The following ADAM10 variants were observed in gnomAD, a reference collection of about 807,000 sequenced individuals.
ADAM10 encodes disintegrin and metalloproteinase domain-containing protein 10.
In ADAM10, 17 loss-of-function variants were observed where a neutral mutation model predicts 90.1. The ratio of observed to expected loss-of-function variants is 0.19; its 90% confidence interval spans 0.13 to 0.28. ADAM10 has a LOEUF of 0.28. ADAM10 is among the 10% of genes least tolerant of loss of function. The pLI is 1.00. For missense variants in ADAM10, 610 were observed against 914.3 expected, an observed-to-expected ratio of 0.67 and a Z score of 4.29; for synonymous variants, 310 against 298.6, an observed-to-expected ratio of 1.04 and a Z score of -0.40.
At chr15:58,698,377 G>T in intron 2 of ADAM10, 1 of 333,838 alleles carries the variant, frequency 3.0e-6, no homozygotes, top group Non-Finnish European at 5.7e-6. Context: ...TTTGAGACCA[G>T]CCTGGGCAAC....
At chr15:58,639,162 G>A (rs1350317397) in intron 8 of ADAM10, among the ~76,000 whole-genome samples, 1 of 152,192 alleles carries the variant, frequency 6.6e-6, no homozygotes, top group Non-Finnish European at 1.5e-5. Flanking sequence ...TATTAATGTG[G>A]TGCTTCTCAA....
rs1414239645 is a variant in ADAM10 at position 58,594,932 on chromosome 15, T to G, written c.*2615A>C. 1 of 152,200 alleles carries G rather than the reference T, an allele frequency of 6.6e-6. No homozygotes were observed. Among genetic ancestry groups the G allele is most frequent in the African/African-American group, 2.4e-5 (1 of 41,460 alleles). The allele number at this position is 152,200 out of a possible 1,614,324, so 9.4% of individuals were successfully genotyped here. On this transcript the variant is annotated 3_prime_UTR_variant, in exon 16 of 16. Coordinates refer to ENST00000260408, the MANE Select transcript of ADAM10 (RefSeq NM_001110.4). ...AAAGAATTTGAAGCAGATTACCTCA[T>G]GCAGGGAATTATTCTGGGCTTACAA...
At chr15:58,611,623 A>G in intron 12 of ADAM10, 185 bp downstream of exon 12, 1 of 602,526 alleles carries the variant, frequency 1.7e-6, no homozygotes. Context: ...ATGTACATGG[A>G]AAGATGAAAG....
At chr15:58,674,591 G>A (rs1175633146) in intron 4 of ADAM10, among the ~76,000 whole-genome samples, 2 of 152,104 alleles carry the variant, frequency 1.3e-5, no homozygotes, top group African/African-American at 2.4e-5. Context: ...CTTCCCTCTT[G>A]TATTCCTTCC....
At chr15:58,715,995 A>G (rs368256825) in intron 2 of ADAM10, among the ~76,000 whole-genome samples, 8 of 152,210 alleles carry the variant, frequency 5.3e-5, no homozygotes, top group East Asian at 3.8e-4. Flanking sequence ...TTGTAATTTC[A>G]TAGTACATAA....
intron 1 of ADAM10, among the ~76,000 whole-genome samples, chr15:58,734,705 TA>T (rs1217294864): frequency 1.1e-3 from 131 of 120,132 alleles, no homozygotes; most frequent in African/African-American, 1.6e-3. Flanking sequence ...GTCTCAAAAT[TA>T]AAAAAAAAAA....
chr15:58,593,149 A>ATTTTTTTTTTTTTTTTTTTTT lies in ADAM10; in HGVS notation c.*4377_*4397dup, dbSNP rs766149223. On this transcript the variant is annotated 3_prime_UTR_variant, in exon 16 of 16. Transcript: ENST00000260408. ...AAAGTAACAAAGGCCAGGTACTCAA[A>ATTTTTTTTTTTTTTTTTTTTT]TTTTTTTTTTTTTTTTTTTTTTTTT... 2.9e-5 allele frequency: 2 copies of ATTTTTTTTTTTTTTTTTTTTT among 68,402 alleles called. 1 individual carries two copies. 4.2% of individuals were successfully genotyped at this position (68,402 alleles called of 1,614,324 possible). A position where few individuals can be genotyped will look rare whatever the true frequency, so the allele number is the denominator to read the frequency against.
At chr15:58,727,207 C>CTTTTTTTTTTTTT (rs1567014727) in intron 1 of ADAM10, among the ~76,000 whole-genome samples, 1 of 71,000 alleles carries the variant, frequency 1.4e-5, no homozygotes. Context: ...TTTTTTTTTC[C>CTTTTTTTTTTTTT]CAAAAACAGC....
intron 1 of ADAM10, among the ~76,000 whole-genome samples, chr15:58,730,008 A>AAAAAAAAAAAAAAAAAAC (rs1567016190): frequency 7.1e-6 from 1 of 141,536 alleles, no homozygotes; most frequent in Non-Finnish European, 1.5e-5. Flanking sequence ...ACAAACAAAA[A>AAAAAAAAAAAAAAAAAAC]AAAAAACTCA....
chr15:58,727,504 T>C (rs1899079486), intron 1 of ADAM10, among the ~76,000 whole-genome samples: 1 of 152,122 alleles, frequency 6.6e-6, no homozygotes, highest in South Asian at 2.1e-4. Context: ...CTAATCTTTC[T>C]TATTTTTTGT....
chr15:58,708,080 AAAAAACAAAAAC>A (rs1464234281), intron 2 of ADAM10, among the ~76,000 whole-genome samples: 4 of 152,120 alleles, frequency 2.6e-5, no homozygotes, highest in African/African-American at 9.7e-5. Flanking sequence ...CGGTCTCAAA[AAAAAACAAAAAC>A]AAAAACAAAA....
At chr15:58,679,697 G>A (rs779138043) in intron 3 of ADAM10, among the ~76,000 whole-genome samples, 8 of 152,136 alleles carry the variant, frequency 5.3e-5, no homozygotes, top group Non-Finnish European at 1.0e-4. Flanking sequence ...TCGAGGCCAG[G>A]AGTTCGAGAC....
At chr15:58,749,016 G>A in intron 1 of ADAM10, 1 of 399,298 alleles carries the variant, frequency 2.5e-6, no homozygotes, top group Non-Finnish European at 4.4e-6. Context: ...GAGGACTTCG[G>A]AATCCGCCAC....
rs1459478019 is a variant in ADAM10 at position 58,592,107 on chromosome 15, T to C, written c.*5440A>G. 2 of 152,334 alleles carry C rather than the reference T, an allele frequency of 1.3e-5. No individual in the cohort carries two copies. The highest frequency in any genetic ancestry group is 4.8e-5 in the African/African-American group (2 of 41,570). The allele number at this position is 152,334 out of a possible 1,614,324, so 9.4% of individuals were successfully genotyped here. On this transcript the variant is annotated 3_prime_UTR_variant, in exon 16 of 16. Coordinates refer to ENST00000260408, the MANE Select transcript of ADAM10 (RefSeq NM_001110.4). ...CCTGTATTTCTAATGAAGGGGTAGT[T>C]AGATCAGGAGGCTTCATCATGATGA...
chr15:58,621,326 C>A, intron 11 of ADAM10, 145 bp downstream of exon 11: 2 of 631,956 alleles, frequency 3.2e-6, no homozygotes. Flanking sequence ...CAGTAACCAA[C>A]ACTACTTCAG....
chr15:58,615,297 A>G (rs12595805), intron 11 of ADAM10, among the ~76,000 whole-genome samples: 1 of 143,550 alleles, frequency 7.0e-6, no homozygotes, highest in Non-Finnish European at 1.5e-5. Flanking sequence ...AAAAAAAAAA[A>G]CCAGAAAATA....
intron 9 of ADAM10, among the ~76,000 whole-genome samples, chr15:58,631,349 C>G (rs746053828): frequency 3.9e-5 from 6 of 152,086 alleles, no homozygotes; most frequent in Non-Finnish European, 8.8e-5. Flanking sequence ...TACGATTGAG[C>G]GTGGTAGGCA....
At chr15:58,651,830 C>T (rs1202462135) in intron 5 of ADAM10, among the ~76,000 whole-genome samples, 6 of 152,158 alleles carry the variant, frequency 3.9e-5, no homozygotes, top group African/African-American at 1.4e-4. Context: ...CCGAACTATT[C>T]TCCATAGCAA....
chr15:58,690,514 TAAAC>T (rs1247351799), intron 2 of ADAM10, among the ~76,000 whole-genome samples: 3 of 152,004 alleles, frequency 2.0e-5, no homozygotes, highest in Admixed American at 1.3e-4. Flanking sequence ...CAGAACAAAA[TAAAC>T]AACAACAAAA....
Sources: allele counts gnomAD v4.1 joint callset (sites outside exome capture counted in the v4.1 genomes callset), GRCh38; gene constraint gnomAD v4.1.1; transcripts MANE v1.5; gene names NCBI Gene and HGNC (gene_info 2026-07-23, HGNC 2026-07-21).